Variants in DLG2 observed in about 807,000 individuals in gnomAD.
The protein encoded by DLG2 is discs large MAGUK scaffold protein 2, also known as disks large homolog 2.
DLG2 carries 45 observed loss-of-function variants against 132.5 expected under a neutral mutation model. The observed-to-expected ratio is 0.34, with a 90% CI of 0.27 to 0.44. DLG2 has a LOEUF of 0.44. DLG2 is among the 20% of genes least tolerant of loss of function. The pLI, the probability that DLG2 is intolerant of heterozygous loss-of-function variation, is 1.00. For missense variants in DLG2, 1,045 were observed against 1,196.9 expected (o/e 0.87, Z 1.87); for synonymous variants, 424 against 419.6 (o/e 1.01, Z -0.13).
chr11:84,482,828 A>C (rs953289857), intron 7 of DLG2, among the ~76,000 whole-genome samples: 1 of 152,180 alleles, frequency 6.6e-6, no homozygotes, highest in African/African-American at 2.4e-5. Flanking sequence ...AAGACTGCTG[A>C]ATGTCTGAAT....
At chr11:83,942,927 G>A (rs991312781) in intron 14 of DLG2, among the ~76,000 whole-genome samples, 2 of 152,134 alleles carry the variant, frequency 1.3e-5, no homozygotes, top group Admixed American at 6.5e-5. Context: ...ATGTGTTGTG[G>A]GAGGGACCCT....
Position 85,602,031 on chromosome 11 carries a change from A to C in DLG2, c.-92-3243T>G, listed in dbSNP as rs903628682. Among the ~76,000 whole-genome samples, 6 of 152,194 alleles carry C rather than the reference A, an allele frequency of 3.9e-5. No homozygotes were observed. The East Asian group carries it at 1.2e-3, about 29-fold the overall frequency. On this transcript the variant is annotated intron_variant, in intron 2 of 27. Coordinates refer to ENST00000376104, the MANE Select transcript of DLG2 (RefSeq NM_001142699.3). ...AGACTCATATCCAGCTGAATGCTCAACATTTCCATTTGGATGTCTAATAAG... is the reference window on the plus strand; with the variant it reads ...AGACTCATATCCAGCTGAATGCTCACCATTTCCATTTGGATGTCTAATAAG...
intron 22 of DLG2, 77 bp downstream of exon 22, chr11:83,484,052 G>A: frequency 8.5e-7 from 1 of 1,179,694 alleles, no homozygotes; most frequent in Admixed American, 1.7e-5. Context: ...GCGTGGGAGA[G>A]CCTACATCCT....
At chr11:83,745,168 T>C (rs1052131366) in intron 18 of DLG2, among the ~76,000 whole-genome samples, 3 of 152,220 alleles carry the variant, frequency 2.0e-5, no homozygotes, top group Admixed American at 1.3e-4. Context: ...ACCCCTCATA[T>C]ATTCTCAGTG....
chr11:84,526,039 G>A (rs962348664), intron 7 of DLG2, among the ~76,000 whole-genome samples: 1 of 151,978 alleles, frequency 6.6e-6, no homozygotes, highest in Admixed American at 6.6e-5. Context: ...CGTCTTGAGA[G>A]ACCTCTTCTT....
At chr11:84,064,833 T>C (rs1164828918) in intron 10 of DLG2, among the ~76,000 whole-genome samples, 2 of 151,930 alleles carry the variant, frequency 1.3e-5, no homozygotes, top group South Asian at 2.1e-4. Context: ...AATATAAAAA[T>C]AGAGCTTTTA....
chr11:83,805,700 CTG>C (rs2045724252), intron 17 of DLG2, among the ~76,000 whole-genome samples: 1 of 152,096 alleles, frequency 6.6e-6, no homozygotes, highest in African/African-American at 2.4e-5. Flanking sequence ...TCATATTCAT[CTG>C]TGTTCCTAAC....
At chr11:84,768,003 A>G (rs893052261) in intron 6 of DLG2, among the ~76,000 whole-genome samples, 3 of 152,154 alleles carry the variant, frequency 2.0e-5, no homozygotes. Flanking sequence ...GGAGAACAAT[A>G]AAGAGGAGGA....
At chr11:83,714,210 A>G (rs1164601160) in intron 18 of DLG2, among the ~76,000 whole-genome samples, 1 of 146,910 alleles carries the variant, frequency 6.8e-6, no homozygotes, top group African/African-American at 2.4e-5. Flanking sequence ...ATTAAGAAAG[A>G]GAGAAAAGGA....
chr11:84,998,973 T>TTATATATA, intron 6 of DLG2, among the ~76,000 whole-genome samples: 1 of 148,720 alleles, frequency 6.7e-6, no homozygotes, highest in South Asian at 2.1e-4. Flanking sequence ...ATTATTACAA[T>TTATATATA]TATATATATA....
intron 7 of DLG2, among the ~76,000 whole-genome samples, chr11:84,467,223 T>C (rs571460298): frequency 6.6e-6 from 1 of 151,468 alleles, no homozygotes; most frequent in Admixed American, 6.6e-5. Flanking sequence ...TGATAACAAT[T>C]TGAGTATCAA....
intron 18 of DLG2, among the ~76,000 whole-genome samples, chr11:83,642,161 T>C (rs543843747): frequency 3.7e-4 from 57 of 152,314 alleles, no homozygotes; most frequent in African/African-American, 1.3e-3. Context: ...TTTTCTTCTG[T>C]ATCCTAACAC....
At chr11:84,778,358 T>C (rs1440442468) in intron 6 of DLG2, among the ~76,000 whole-genome samples, 2 of 152,208 alleles carry the variant, frequency 1.3e-5, no homozygotes, top group Non-Finnish European at 2.9e-5. Flanking sequence ...TTGATTATTA[T>C]AGCCTTGGAA....
chr11:84,590,896 G>A (rs932008773), intron 6 of DLG2, among the ~76,000 whole-genome samples: 2 of 152,168 alleles, frequency 1.3e-5, no homozygotes, highest in Non-Finnish European at 2.9e-5. Context: ...ATCTGGGCCT[G>A]TTCCTAAGAG....
intron 6 of DLG2, among the ~76,000 whole-genome samples, chr11:85,099,474 T>C (rs764836946): frequency 6.6e-6 from 1 of 152,224 alleles, no homozygotes; most frequent in Non-Finnish European, 1.5e-5. Flanking sequence ...AGATAATTTA[T>C]AAGTACAAAA....
chr11:83,834,804 G>C (rs1302786077), intron 16 of DLG2, among the ~76,000 whole-genome samples: 5 of 152,170 alleles, frequency 3.3e-5, no homozygotes, highest in African/African-American at 1.2e-4. Flanking sequence ...AATGCATTTA[G>C]TTCAATTTTC....
intron 10 of DLG2, among the ~76,000 whole-genome samples, chr11:84,060,172 G>A (rs1426822314): frequency 6.6e-6 from 1 of 152,008 alleles, no homozygotes; most frequent in Admixed American, 6.6e-5. Context: ...AATTAGCTGG[G>A]CATGGTGGTG....
intron 19 of DLG2, among the ~76,000 whole-genome samples, chr11:83,544,285 G>C (rs531581266): frequency 6.6e-6 from 1 of 152,244 alleles, no homozygotes; most frequent in Non-Finnish European, 1.5e-5. Context: ...GCTGAGTCCT[G>C]TGAACTATCC....
At chr11:84,412,145 A>T (rs891416406) in intron 7 of DLG2, among the ~76,000 whole-genome samples, 31 of 152,068 alleles carry the variant, frequency 2.0e-4, no homozygotes, top group African/African-American at 7.2e-4. Flanking sequence ...AGTGATGGTG[A>T]TGATGATTAT....
Sources: allele counts gnomAD v4.1 joint callset (sites outside exome capture counted in the v4.1 genomes callset), GRCh38; gene constraint gnomAD v4.1.1; transcripts MANE v1.5; gene names NCBI Gene and HGNC (gene_info 2026-07-23, HGNC 2026-07-21).